The following EXOC6B variants were observed in gnomAD, a reference collection of about 807,000 sequenced individuals.
EXOC6B encodes exocyst complex component 6B.
In EXOC6B, 54 loss-of-function variants were observed where a neutral mutation model predicts 113.5. The ratio of observed to expected loss-of-function variants is 0.48; its 90% CI spans 0.38 to 0.60. The LOEUF (loss-of-function observed/expected upper bound fraction) is 0.60, where lower values mean the gene tolerates loss of function less well. Among genes scored for constraint, EXOC6B ranks in the 20% least tolerant of loss-of-function variants. The probability of loss-of-function intolerance (pLI) is 0.00; values close to 1 mark genes in which losing one functional copy is unlikely to be tolerated. For synonymous variants in EXOC6B, 357 were observed against 339.0 expected (o/e 1.05, Z -0.58); for missense variants, 797 against 977.5 (o/e 0.82, Z 2.46).
intron 18 of EXOC6B, among the ~76,000 whole-genome samples, chr2:72,390,033 C>T (rs574330419): frequency 1.3e-5 from 2 of 152,096 alleles, no homozygotes; most frequent in African/African-American, 2.4e-5. Context: ...TGCAGTGAGC[C>T]GAGATCGCAC....
intron 6 of EXOC6B, among the ~76,000 whole-genome samples, chr2:72,589,053 A>AAAAAACAC (rs972565993): frequency 6.6e-6 from 1 of 152,010 alleles, no homozygotes; most frequent in African/African-American, 2.4e-5. Flanking sequence ...GCCAAGAAGA[A>AAAAAACAC]AAAAACACCA....
intron 1 of EXOC6B, among the ~76,000 whole-genome samples, chr2:72,807,324 T>C (rs1228036371): frequency 2.0e-5 from 3 of 152,166 alleles, no homozygotes; most frequent in Admixed American, 6.5e-5. Context: ...AAAGATCAGA[T>C]GGTTGTAGGT....
intron 6 of EXOC6B, among the ~76,000 whole-genome samples, chr2:72,691,590 A>G (rs924941435): frequency 1.3e-4 from 20 of 152,074 alleles, no homozygotes; most frequent in African/African-American, 3.6e-4. Context: ...AAACAGAACT[A>G]TATGGGTAAA....
chr2:72,601,339 T>C (rs1411282621), intron 6 of EXOC6B, among the ~76,000 whole-genome samples: 1 of 151,968 alleles, frequency 6.6e-6, no homozygotes, highest in East Asian at 1.9e-4. Flanking sequence ...CCCACCACCA[T>C]GCCCAGCTAA....
chr2:72,363,904 C>G (rs1447708216), intron 19 of EXOC6B, among the ~76,000 whole-genome samples: 1 of 152,056 alleles, frequency 6.6e-6, no homozygotes, highest in Non-Finnish European at 1.5e-5. Context: ...ATCTCAGGCT[C>G]TTGGTAGTGC....
At chr2:72,197,318 CATGACA>C (rs1257708919) in intron 20 of EXOC6B, among the ~76,000 whole-genome samples, 1 of 152,066 alleles carries the variant, frequency 6.6e-6, no homozygotes, top group Non-Finnish European at 1.5e-5. Flanking sequence ...GACTTGGACC[CATGACA>C]ATCTGACTCC....
At position 72,777,452 on chromosome 2, in the gene EXOC6B, A is replaced by G. The variant is rs951575470; in HGVS notation, c.114-35983T>C. Among the ~76,000 whole-genome samples, 4 of 152,202 alleles carry G rather than the reference A, an allele frequency of 2.6e-5. No individual in the cohort carries two copies. The South Asian group carries it at 8.3e-4, about 32-fold the overall frequency. On this transcript the variant is annotated intron_variant, in intron 1 of 21. Transcript: ENST00000272427. ...TGTTGAAAGGAAAAAAACATTGAGCAAAAATTCATTACCTGGCAAAACTAT... is the reference window on the plus strand; with the variant it reads ...TGTTGAAAGGAAAAAAACATTGAGCGAAAATTCATTACCTGGCAAAACTAT...
chr2:72,426,535 T>A (rs1030752723), intron 18 of EXOC6B, among the ~76,000 whole-genome samples: 2 of 152,224 alleles, frequency 1.3e-5, no homozygotes, highest in African/African-American at 4.8e-5. Flanking sequence ...TTTGTTATGA[T>A]TAGTGTGCTT....
chr2:72,733,216 T>C (rs1020582579), intron 2 of EXOC6B, 98 bp from the exon 3 acceptor site: 2 of 899,628 alleles, frequency 2.2e-6, no homozygotes, highest in Non-Finnish European at 3.5e-6. Context: ...GAATAGGCAG[T>C]TAAATATTTT....
At chr2:72,669,269 T>C (rs962067553) in intron 6 of EXOC6B, among the ~76,000 whole-genome samples, 3 of 152,052 alleles carry the variant, frequency 2.0e-5, no homozygotes, top group Admixed American at 6.5e-5. Flanking sequence ...TTCACAATGC[T>C]CATAAATGGG....
chr2:72,294,189 G>A (rs1158737187), intron 20 of EXOC6B, among the ~76,000 whole-genome samples: 2 of 151,700 alleles, frequency 1.3e-5, no homozygotes, highest in Non-Finnish European at 2.9e-5. Context: ...GCTTTCATAA[G>A]AATTCGGAGA....
At position 72,176,537 on chromosome 2, in the gene EXOC6B, A is replaced by G. The variant is rs1677745097; in HGVS notation, c.*2798T>C. ...ATGCAATGAGAACAGTGGGCAATGC[A>G]CCCTGGAAGCTCTACATTCCCTTTG... is the stretch of plus-strand genomic sequence containing the variant. On this transcript the variant is annotated 3_prime_UTR_variant, in exon 22 of 22. Transcript: ENST00000272427. The G allele has an allele frequency of 6.6e-6, 1 of 152,164 alleles. No individual in the cohort carries two copies. The highest frequency in any genetic ancestry group is 2.4e-5 in the African/African-American group (1 of 41,434). 9.4% of individuals were successfully genotyped at this position (152,164 alleles called of 1,614,324 possible).
rs576206292 is a variant in EXOC6B at position 72,717,376 on chromosome 2, A to T, written c.669+727T>A. Among the ~76,000 whole-genome samples, 4 of 152,320 alleles carry T rather than the reference A, an allele frequency of 2.6e-5. No homozygotes were observed. In the East Asian group the frequency reaches 7.7e-4, roughly 29 times the overall value. ...TACAGAACCAAAAAGTACTTTCCAT[A>T]AACAACTGACTCTTGTATTTGTTGC... On this transcript the variant is annotated intron_variant, in intron 6 of 21. Transcript: ENST00000272427.
At chr2:72,756,129 T>G (rs754226048) in intron 1 of EXOC6B, among the ~76,000 whole-genome samples, 1 of 152,124 alleles carries the variant, frequency 6.6e-6, no homozygotes, top group African/African-American at 2.4e-5. Flanking sequence ...TGTTAAAGAT[T>G]TATATTTGGT....
chr2:72,415,317 A>G (rs1207180696), intron 18 of EXOC6B, among the ~76,000 whole-genome samples: 2 of 149,832 alleles, frequency 1.3e-5, no homozygotes, highest in Admixed American at 6.6e-5. Flanking sequence ...GTTAAAAGCA[A>G]AAGATGCTGA....
At chr2:72,380,036 G>A (rs2105064422) in intron 18 of EXOC6B, among the ~76,000 whole-genome samples, 166 bp from the exon 19 acceptor site, 1 of 152,240 alleles carries the variant, frequency 6.6e-6, no homozygotes. Context: ...AGCATCTGAT[G>A]GCAATCATCT....
At chr2:72,442,775 G>A (rs1243191956) in intron 18 of EXOC6B, among the ~76,000 whole-genome samples, 1 of 152,142 alleles carries the variant, frequency 6.6e-6, no homozygotes, top group African/African-American at 2.4e-5. Flanking sequence ...CATGTTCATG[G>A]AAGGGAAGAA....
intron 11 of EXOC6B, among the ~76,000 whole-genome samples, chr2:72,500,563 T>C (rs1171714472): frequency 6.6e-6 from 1 of 151,234 alleles, no homozygotes. Flanking sequence ...AAACAAATCT[T>C]AGACAAAATT....
rs1672281518 is a variant in EXOC6B at position 72,629,870 on chromosome 2, C to G, written c.670-54202G>C. On this transcript the variant is annotated intron_variant, in intron 6 of 21. Transcript: ENST00000272427. ...CCCACAACATGCCATCCCCAGAGCC[C>G]TGACCTTCATCAAACTCCTTTCTCT... 2.6e-5 allele frequency among the ~76,000 whole-genome samples: 4 copies of G among 152,286 alleles called. No homozygotes were observed. The South Asian group carries it at 8.3e-4, about 32-fold the overall frequency.
Sources: allele counts gnomAD v4.1 joint callset (sites outside exome capture counted in the v4.1 genomes callset), GRCh38; gene constraint gnomAD v4.1.1; transcripts MANE v1.5; gene names NCBI Gene and HGNC (gene_info 2026-07-23, HGNC 2026-07-21).